The following ACTR3B variants were observed in gnomAD, a reference collection of about 807,000 sequenced individuals.
ACTR3B encodes actin related protein 3B.
Under a neutral mutation model 59.0 loss-of-function variants are expected in ACTR3B, and 8 were observed. The observed-to-expected ratio is 0.14, with a 90% confidence interval of 0.08 to 0.24. The LOEUF (loss-of-function observed/expected upper bound fraction) is 0.24. Ranked by LOEUF, ACTR3B falls within the 10% of genes least tolerant of loss-of-function variation. The pLI is 1.00. For synonymous variants in ACTR3B, 148 were observed against 197.9 expected (o/e 0.75, Z 2.12); for missense variants, 245 against 552.3 (o/e 0.44, Z 5.58).
chr7:152,819,054 G>T (rs1047077740), intron 6 of ACTR3B, among the ~76,000 whole-genome samples: 3 of 152,178 alleles, frequency 2.0e-5, no homozygotes, highest in African/African-American at 7.2e-5. Context: ...GTAATGCATA[G>T]AATATAATAA....
intron 4 of ACTR3B, among the ~76,000 whole-genome samples, chr7:152,804,930 G>T (rs1420676492): frequency 2.0e-5 from 3 of 151,954 alleles, no homozygotes; most frequent in African/African-American, 4.8e-5. Flanking sequence ...TAAGGAGCCC[G>T]GGCAGACATT....
At chr7:152,831,156 T>C (rs1313654872) in intron 9 of ACTR3B, among the ~76,000 whole-genome samples, 2 of 152,248 alleles carry the variant, frequency 1.3e-5, no homozygotes, top group Non-Finnish European at 2.9e-5. Flanking sequence ...TTTGTCTTAC[T>C]GGGAAGGGAA....
intron 9 of ACTR3B, among the ~76,000 whole-genome samples, chr7:152,827,648 C>T (rs1342578174): frequency 1.5e-4 from 22 of 150,878 alleles, no homozygotes; most frequent in Non-Finnish European, 2.4e-4. Flanking sequence ...TCCCCGCTGC[C>T]GGGGAGGAGA....
chr7:152,774,377 C>T (rs2098131575), intron 1 of ACTR3B, among the ~76,000 whole-genome samples: 1 of 151,984 alleles, frequency 6.6e-6, no homozygotes. Context: ...CTCAGGTGAT[C>T]CGCCTGCCTC....
chr7:152,766,619 C>A (rs1254739996), intron 1 of ACTR3B, among the ~76,000 whole-genome samples: 1 of 152,142 alleles, frequency 6.6e-6, no homozygotes, highest in Admixed American at 6.5e-5. Flanking sequence ...TAATGATATA[C>A]GTTGCAAATA....
At chr7:152,820,044 T>A (rs2116851584) in intron 6 of ACTR3B, among the ~76,000 whole-genome samples, 1 of 152,334 alleles carries the variant, frequency 6.6e-6, no homozygotes, top group East Asian at 1.9e-4. Context: ...ATATTCCTAA[T>A]GAAATCATTT....
At chr7:152,809,709 A>G (rs1354004753) in intron 4 of ACTR3B, among the ~76,000 whole-genome samples, 2 of 151,812 alleles carry the variant, frequency 1.3e-5, no homozygotes, top group Admixed American at 6.6e-5. Context: ...CGCCTGGCTA[A>G]TTTTTGTATA....
intron 9 of ACTR3B, among the ~76,000 whole-genome samples, chr7:152,845,520 A>G (rs1185403151): frequency 2.0e-5 from 3 of 152,186 alleles, no homozygotes; most frequent in Non-Finnish European, 4.4e-5. Flanking sequence ...GGACACTTGG[A>G]GCTCCCATGA....
chr7:152,774,565 T>A (rs566979805), intron 1 of ACTR3B, among the ~76,000 whole-genome samples: 9 of 152,306 alleles, frequency 5.9e-5, no homozygotes, highest in Admixed American at 1.3e-4. Context: ...TAAAACACTT[T>A]TAAAACACTT....
Position 152,781,193 on chromosome 7 carries a change from G to GTTTTTT in ACTR3B, c.45-1976_45-1971dup, listed in dbSNP as rs369933153. Among the ~76,000 whole-genome samples the GTTTTTT allele has an allele frequency of 9.5e-5, 9 of 94,428 alleles. 1 individual carries two copies. Among genetic ancestry groups the GTTTTTT allele is most frequent in the African/African-American group, 1.7e-4 (4 of 24,110 alleles). The allele number at this position is 94,428 out of a possible 152,430, so 61.9% of individuals were successfully genotyped here. ...ACGCTTTACCATATTCGTTTCAGTGGTTTTTTTTTTTTTTTTTTTTTTTCT... is the reference window on the plus strand; with the variant it reads ...ACGCTTTACCATATTCGTTTCAGTGGTTTTTTTTTTTTTTTTTTTTTTTTTTTTTCT... On this transcript the variant is annotated intron_variant, in intron 1 of 11. Coordinates refer to ENST00000256001, the MANE Select transcript of ACTR3B (RefSeq NM_020445.6).
intron 2 of ACTR3B, among the ~76,000 whole-genome samples, chr7:152,787,189 G>A (rs2098177508): frequency 6.6e-6 from 1 of 152,064 alleles, no homozygotes; most frequent in South Asian, 2.1e-4. Flanking sequence ...CTTGATAATT[G>A]GTATTGTGTG....
intron 1 of ACTR3B, among the ~76,000 whole-genome samples, chr7:152,781,024 A>T (rs1422576400): frequency 2.0e-5 from 3 of 151,842 alleles, no homozygotes; most frequent in African/African-American, 4.8e-5. Context: ...TTGCCCAAAG[A>T]TACACATTTG....
At chr7:152,761,567 A>C (rs1590176679) in intron 1 of ACTR3B, among the ~76,000 whole-genome samples, 1 of 152,316 alleles carries the variant, frequency 6.6e-6, no homozygotes, top group African/African-American at 2.4e-5. Context: ...TAAGTGATTA[A>C]TGTAACTTGG....
intron 6 of ACTR3B, among the ~76,000 whole-genome samples, chr7:152,819,647 G>C (rs890965693): frequency 1.3e-5 from 2 of 152,156 alleles, no homozygotes; most frequent in African/African-American, 4.8e-5. Context: ...TCACAGACAT[G>C]CCTTCACTGG....
intron 2 of ACTR3B, among the ~76,000 whole-genome samples, chr7:152,796,860 GTTTTTTTTTT>G (rs779909545): frequency 5.5e-5 from 3 of 54,738 alleles, no homozygotes; most frequent in East Asian, 7.5e-4. Context: ...TAGTTTTTGT[GTTTTTTTTTT>G]TTTTTTTTTT....
In ACTR3B at chr7:152,824,556, C is replaced by T. The variant is rs1374312973; in HGVS notation, c.859-474C>T. ...TGGATTGTTTCATGTTAAACAAACC[C>T]TTCTCATTAAACAAAACACTTCCCT... On this transcript the variant is annotated intron_variant, in intron 8 of 11. Transcript: ENST00000256001. This position sits in a 1 kb window ranked among gnomAD's most constrained non-coding sequence, Gnocchi z 4.2. 6.6e-6 allele frequency among the ~76,000 whole-genome samples: 1 copy of T among 152,092 alleles called. No homozygotes were observed.
chr7:152,822,336 C>T lies in ACTR3B; in HGVS notation c.685-1006C>T, dbSNP rs2689595. On this transcript the variant is annotated intron_variant, in intron 7 of 11. Transcript: ENST00000256001. ...GCTGGGCGGCCCACCTCGTGCTTCC[C>T]GTAGGCAGCAAGTATCTGGGGGTCA... Among the ~76,000 whole-genome samples, 491 of 151,872 alleles carry T rather than the reference C, an allele frequency of 3.2e-3. 3 individuals are homozygous for T. Among genetic ancestry groups the T allele is most frequent in the Non-Finnish European group, 5.6e-3 (378 of 67,986 alleles).
chr7:152,831,568 C>T (rs1347018668), intron 9 of ACTR3B, among the ~76,000 whole-genome samples: 1 of 152,210 alleles, frequency 6.6e-6, no homozygotes, highest in African/African-American at 2.4e-5. Flanking sequence ...GTTAAAATTG[C>T]CATATGTGGC....
At chr7:152,761,569 G>A (rs2098089393) in intron 1 of ACTR3B, among the ~76,000 whole-genome samples, 1 of 152,170 alleles carries the variant, frequency 6.6e-6, no homozygotes. Context: ...AGTGATTAAT[G>A]TAACTTGGCT....
Sources: gnomAD v4.1 joint callset for allele counts (sites outside exome capture counted in the v4.1 genomes callset) on GRCh38, gnomAD v4.1.1 for gene constraint, Gnocchi (gnomAD v3.1) non-coding constraint, MANE v1.5 for transcripts, NCBI Gene and HGNC (gene_info 2026-07-23, HGNC 2026-07-21) for gene names.